ITGAL: variants seen among roughly 807,000 people sequenced by gnomAD.
The protein encoded by ITGAL is integrin alpha-L.
Under a neutral mutation model 138.4 loss-of-function variants are expected in ITGAL, and 68 were observed. The observed-to-expected ratio is 0.49, with a 90% CI of 0.40 to 0.60. The LOEUF (loss-of-function observed/expected upper bound fraction) is 0.60, where lower values mean the gene tolerates loss of function less well. Ranked by LOEUF, ITGAL falls within the 20% of genes least tolerant of loss-of-function variation. The pLI, the probability that ITGAL is intolerant of heterozygous loss-of-function variation, is 0.00. For synonymous variants in ITGAL, 561 were observed against 584.3 expected (o/e 0.96, Z 0.57); for missense variants, 1,256 against 1,478.6 (o/e 0.85, Z 2.47).
chr16:30,503,557 G>A (rs2050938408), intron 17 of ITGAL, among the ~76,000 whole-genome samples: 1 of 149,432 alleles, frequency 6.7e-6, no homozygotes, highest in Non-Finnish European at 1.5e-5. Context: ...GAGGGAGGGA[G>A]GGAGGCAGGC....
At position 30,521,762 on chromosome 16, in the gene ITGAL, G is replaced by T; in HGVS notation, c.*97G>T. ...CATTCTGCCGTGTGCCCTCGGGCGA[G>T]TCACTGCCTCTCCCTGGCCCTCAGT... On this transcript the variant is annotated 3_prime_UTR_variant, in exon 31 of 31. Transcript: ENST00000356798. 1.7e-6 allele frequency: 2 copies of T among 1,191,774 alleles called. No homozygotes were observed. The highest frequency in any genetic ancestry group is 2.4e-6 in the Non-Finnish European group (2 of 851,006). 73.8% of individuals were successfully genotyped at this position (1,191,774 alleles called of 1,614,324 possible).
chr16:30,474,295 A>G lies in ITGAL; in HGVS notation c.161A>G (p.Asn54Ser). Residue 54 changes from asparagine (N) to serine (S), a missense_variant, in exon 2 of 31, where the codon AAC (asparagine) becomes AGC (serine). Transcript: ENST00000356798. Reference sequence around the variant, plus strand: ...GGATACCGCGTCCTGCAGGTCGGAAACGGGTGAGCTGTGCCCCACAAGTCC... The same window carrying G: ...GGATACCGCGTCCTGCAGGTCGGAAGCGGGTGAGCTGTGCCCCACAAGTCC... ...HFGYRVLQVG[N>S]GVIVGAPGEG... is the part of the protein sequence containing the mutation. The G allele has an allele frequency of 6.2e-7, 1 of 1,601,168 alleles. No individual in the cohort carries two copies. The highest frequency in any genetic ancestry group is 8.5e-7 in the Non-Finnish European group (1 of 1,173,282).
intron 6 of ITGAL, 169 bp from the exon 7 acceptor site, chr16:30,481,270 C>T (rs1567464736): frequency 1.4e-5 from 8 of 567,980 alleles, no homozygotes; most frequent in South Asian, 4.2e-5. Context: ...CGCTGGAACC[C>T]GGGAGGCAGA....
At chr16:30,482,328 C>G (rs572582852) in intron 7 of ITGAL, among the ~76,000 whole-genome samples, 1 of 151,898 alleles carries the variant, frequency 6.6e-6, no homozygotes, top group Non-Finnish European at 1.5e-5. Context: ...CCAATGTGGC[C>G]GGAGAGAAAT....
At chr16:30,517,509 G>A (rs2051185073) in intron 26 of ITGAL, 140 bp from the exon 27 acceptor site, 5 of 707,750 alleles carry the variant, frequency 7.1e-6, no homozygotes, top group Non-Finnish European at 7.6e-6. Context: ...GGAGAGTAAG[G>A]ATGGATGAAT....
chr16:30,502,347 A>C (rs2050914525), intron 17 of ITGAL, among the ~76,000 whole-genome samples: 1 of 136,768 alleles, frequency 7.3e-6, no homozygotes, highest in Non-Finnish European at 1.6e-5. Flanking sequence ...CAGTGAGCCG[A>C]GATCGCGCCC....
chr16:30,517,051 G>T lies in ITGAL; in HGVS notation c.2941G>T (p.Glu981Ter). The T allele has an allele frequency of 6.2e-7, 1 of 1,613,220 alleles. No homozygotes were observed. The highest frequency in any genetic ancestry group is 8.5e-7 in the Non-Finnish European group (1 of 1,179,444). Residue 981 changes from glutamate to a stop codon, truncating the protein, a stop_gained, in exon 26 of 31, where the codon GAG becomes TAG. Transcript: ENST00000356798. LOFTEE classifies it high-confidence loss of function. ...AVVGVPQPPS[E>*]GPITHQWSVQ... is the part of the protein sequence containing the mutation. ...GGTTGGGGTGCCACAGCCTCCCAGCGAGGGGCCCATCACACACCAGTGGAG... is the reference window on the plus strand; with the variant it reads ...GGTTGGGGTGCCACAGCCTCCCAGCTAGGGGCCCATCACACACCAGTGGAG...
rs778307266 is a variant in ITGAL at position 30,506,745 on chromosome 16, C to A, written c.2397C>A (p.Ala799=). The change falls in exon 21 of 31, where the codon GCC becomes GCA. Residue 799 remains alanine, a synonymous_variant. Transcript: ENST00000356798. ...GAGCCCTGCGTCTAACTGCTTTTGC[C>A]AGCCTCTCTGTGGAGCTGAGCCTGA... ...RSRALRLTAF[A]SLSVELSLSN... 2 of 1,613,840 alleles carry A rather than the reference C, an allele frequency of 1.2e-6. No homozygotes were observed. The highest frequency in any genetic ancestry group is 2.7e-5 in the African/African-American group (2 of 74,906).
chr16:30,521,225 G>C (rs961809650), intron 30 of ITGAL, among the ~76,000 whole-genome samples: 1 of 151,820 alleles, frequency 6.6e-6, no homozygotes, highest in Non-Finnish European at 1.5e-5. Flanking sequence ...TGGCCAACAT[G>C]GTGAAACCCT....
Position 30,517,873 on chromosome 16 carries a change from T to C in ITGAL, c.3110T>C (p.Leu1037Pro), listed in dbSNP as rs542978938. ...ATCCTCGTCCAAGTGATCGGGACTC[T>C]GGAGCTGGTGGGAGAGATCGAGGTA... The part of the protein sequence containing the change: ...QEILVQVIGT[L>P]ELVGEIEASS... Residue 1037 changes from leucine (L) to proline (P), a missense_variant, in exon 28 of 31, where the codon CTG becomes CCG. Physicochemically the swap from Leu to Pro is moderately conservative, Grantham distance 98. Around this residue, in one of 3 missense-constraint regions of ITGAL, gnomAD observed 867 missense variants for 972.5 expected, o/e 0.89. Transcript: ENST00000356798. 1.2e-6 allele frequency: 2 copies of C among 1,614,080 alleles called. No individual in the cohort carries two copies. The highest frequency in any genetic ancestry group is 1.1e-5 in the South Asian group (1 of 91,084).
intron 6 of ITGAL, chr16:30,481,141 AAAAC>A (rs2050548617): frequency 1.4e-5 from 3 of 211,600 alleles, no homozygotes; most frequent in Non-Finnish European, 2.4e-5. Context: ...GTCTCTACTA[AAAAC>A]ACACACACAC....
Position 30,517,889 on chromosome 16 carries a change from G to A in ITGAL, c.3126G>A (p.Glu1042=). The A allele has an allele frequency of 6.2e-7, 1 of 1,613,794 alleles. No homozygotes were observed. Among genetic ancestry groups the A allele is most frequent in the Non-Finnish European group, 8.5e-7 (1 of 1,179,966 alleles). The change falls in exon 28 of 31, where the codon GAG becomes GAA. Residue 1042 remains glutamate (E), a synonymous_variant. Transcript: ENST00000356798. The stretch of plus-strand genomic sequence containing the variant: ...TCGGGACTCTGGAGCTGGTGGGAGA[G>A]ATCGAGGTAGTCCCCGCTCCTAAGA... ...QVIGTLELVG[E]IEASSMFSLC... is the part of the protein sequence containing the mutation.
intron 24 of ITGAL, among the ~76,000 whole-genome samples, chr16:30,511,641 C>T (rs1467468968): frequency 6.6e-6 from 1 of 152,176 alleles, no homozygotes; most frequent in African/African-American, 2.4e-5. Flanking sequence ...TCCTGGGGGC[C>T]GATAATGCCA....
At chr16:30,495,802 T>C (rs2050790215) in intron 13 of ITGAL, among the ~76,000 whole-genome samples, 3 of 152,024 alleles carry the variant, frequency 2.0e-5, no homozygotes, top group Admixed American at 6.6e-5. Flanking sequence ...TGAGCTGCGA[T>C]TGCACCACTG....
chr16:30,501,109 G>C (rs1419877713), intron 17 of ITGAL, among the ~76,000 whole-genome samples: 1 of 152,038 alleles, frequency 6.6e-6, no homozygotes, highest in Admixed American at 6.6e-5. Context: ...GCCTCCAAAA[G>C]TGCTGGGATT....
rs575866408 is a variant in ITGAL at position 30,506,117 on chromosome 16, A to G, written c.2367-598A>G. On this transcript the variant is annotated intron_variant, in intron 20 of 30. Transcript: ENST00000356798. ...TCTACTGAAAATACAAAACTTAGCC[A>G]GGCATGGTGGCACGTGCCTGTAATC... is the stretch of plus-strand genomic sequence containing the variant. Among the ~76,000 whole-genome samples, 127 of 151,944 alleles carry G rather than the reference A, an allele frequency of 8.4e-4. 2 individuals are homozygous for G. Among genetic ancestry groups the G allele is most frequent in the African/African-American group, 2.8e-3 (118 of 41,450 alleles).
chr16:30,507,380 A>AC (rs1334121893), intron 21 of ITGAL, among the ~76,000 whole-genome samples: 2 of 144,086 alleles, frequency 1.4e-5, no homozygotes, highest in South Asian at 2.2e-4. Flanking sequence ...AATGGCATGA[A>AC]CCCCAGGGGG....
chr16:30,514,280 T>C (rs1404274569), intron 25 of ITGAL, among the ~76,000 whole-genome samples: 1 of 150,982 alleles, frequency 6.6e-6, no homozygotes, highest in Non-Finnish European at 1.5e-5. Context: ...CCAGCTAATT[T>C]TTTTTTTTTT....
Position 30,499,353 on chromosome 16 carries a change from A to G in ITGAL, c.2009A>G (p.Asn670Ser), listed in dbSNP as rs775003211. The G allele has an allele frequency of 1.9e-6, 3 of 1,613,654 alleles. No homozygotes were observed. Among genetic ancestry groups the G allele is most frequent in the Non-Finnish European group, 2.5e-6 (3 of 1,179,790 alleles). ...CCCTGCCCAGGCCGCCTGGTTGCCA[A>G]TCTCACTTACACTCTGCAGCTGGAT... The part of the protein sequence containing the change: ...IPQFQGRLVA[N>S]LTYTLQLDGH... The change falls in exon 17 of 31, where the codon AAT (asparagine) becomes AGT (serine). Residue 670 changes from asparagine to serine, a missense_variant. Physicochemically the swap from Asn to Ser is conservative, Grantham distance 46. Around this residue, in one of 3 missense-constraint regions of ITGAL, gnomAD observed 867 missense variants for 972.5 expected, o/e 0.89. Coordinates refer to ENST00000356798, the MANE Select transcript of ITGAL (RefSeq NM_002209.3).
Sources: allele counts gnomAD v4.1 joint callset (sites outside exome capture counted in the v4.1 genomes callset), GRCh38; gene constraint gnomAD v4.1.1; regional missense constraint gnomAD v4.1.1; transcripts MANE v1.5; gene names NCBI Gene and HGNC (gene_info 2026-07-23, HGNC 2026-07-21).